Variants in ABI3BP observed in about 807,000 individuals in gnomAD.
The protein encoded by ABI3BP is ABI family member 3 binding protein.
ABI3BP carries 216 observed loss-of-function variants against 268.6 expected under a neutral mutation model. That is an observed-to-expected ratio of 0.80 (90% CI 0.72 to 0.90). ABI3BP has a LOEUF of 0.90. Among genes scored for constraint, ABI3BP ranks in the 40% least tolerant of loss-of-function variants. The probability of loss-of-function intolerance (pLI) is 0.00; values close to 1 mark genes in which losing one functional copy is unlikely to be tolerated. For synonymous variants in ABI3BP, 730 were observed against 730.0 expected, an observed-to-expected ratio of 1.00 and a Z score of 0.00; for missense variants, 2,090 against 2,182.4, an observed-to-expected ratio of 0.96 and a Z score of 0.84.
intron 2 of ABI3BP, among the ~76,000 whole-genome samples, chr3:100,913,288 A>C (rs2057428793): frequency 6.6e-6 from 1 of 152,186 alleles, no homozygotes; most frequent in South Asian, 2.1e-4. Context: ...TTGCTGAAAA[A>C]AGACAGGCTC....
At chr3:100,752,742 T>C in intron 66 of ABI3BP, 45 bp downstream of exon 66, 1 of 1,592,812 alleles carries the variant, frequency 6.3e-7, no homozygotes, top group Non-Finnish European at 8.5e-7. Context: ...TGCAAAACAT[T>C]CCCATAAGTT....
At chr3:100,765,778 C>A in intron 63 of ABI3BP, 63 bp downstream of exon 63, 3 of 1,216,496 alleles carry the variant, frequency 2.5e-6, no homozygotes, top group Non-Finnish European at 3.6e-6. Context: ...TCATTTCTTT[C>A]CCTTGTTGTG....
intron 51 of ABI3BP, among the ~76,000 whole-genome samples, chr3:100,798,260 T>C (rs1343816318): frequency 2.6e-5 from 4 of 152,116 alleles, no homozygotes; most frequent in Non-Finnish European, 5.9e-5. Flanking sequence ...AACCGTGAAG[T>C]GATGATTTAA....
intron 1 of ABI3BP, among the ~76,000 whole-genome samples, chr3:100,982,557 C>T (rs1223110833): frequency 1.3e-5 from 2 of 151,786 alleles, no homozygotes; most frequent in African/African-American, 4.8e-5. Flanking sequence ...TAATGACTTA[C>T]TCGGGCTCAC....
At chr3:100,869,989 C>T (rs540844590) in intron 9 of ABI3BP, among the ~76,000 whole-genome samples, 53 of 152,266 alleles carry the variant, frequency 3.5e-4, no homozygotes, top group African/African-American at 1.2e-3. Flanking sequence ...TCATTATTCA[C>T]ACCATGTGTT....
intron 49 of ABI3BP, among the ~76,000 whole-genome samples, chr3:100,808,837 T>C (rs1009364168): frequency 1.8e-4 from 27 of 151,976 alleles, no homozygotes; most frequent in African/African-American, 6.3e-4. Context: ...AAAACCAATT[T>C]TTTCTTCACC....
chr3:100,943,810 A>T (rs1362698108), intron 1 of ABI3BP, among the ~76,000 whole-genome samples: 1 of 152,120 alleles, frequency 6.6e-6, no homozygotes, highest in Non-Finnish European at 1.5e-5. Context: ...TTGTCTTCAT[A>T]ATCAGCCTCT....
At chr3:100,770,632 T>C (rs6765500) in intron 62 of ABI3BP, 111 bp downstream of exon 62, 61 of 1,037,064 alleles carry the variant, frequency 5.9e-5, no homozygotes, top group Non-Finnish European at 7.7e-5. Flanking sequence ...GCTAGTTTTG[T>C]CTCCTCCCCA....
At chr3:100,794,137 G>A (rs1223207057) in intron 54 of ABI3BP, among the ~76,000 whole-genome samples, 1 of 151,970 alleles carries the variant, frequency 6.6e-6, no homozygotes. Flanking sequence ...CCTAATCTGA[G>A]AGGCCTTTCC....
rs1465156517 is a variant in ABI3BP at position 100,902,694 on chromosome 3, CAAT to C, written c.260-11_260-9del. 2.5e-6 allele frequency: 4 copies of C among 1,612,930 alleles called. No individual in the cohort carries two copies. The African/African-American group carries it at 5.3e-5, about 22-fold the overall frequency. On this transcript the variant is annotated splice_polypyrimidine_tract_variant and intron_variant, in intron 2 of 67. Coordinates refer to ENST00000471714, the MANE Select transcript of ABI3BP (RefSeq NM_001375547.2). ...GATATTTCGGCTCTGCATCTGGAAG[CAAT>C]AACATTATTTATCAGAAAAACCCTT...
At chr3:100,900,549 A>C (rs1189119803) in intron 3 of ABI3BP, among the ~76,000 whole-genome samples, 1 of 152,248 alleles carries the variant, frequency 6.6e-6, no homozygotes, top group Non-Finnish European at 1.5e-5. Flanking sequence ...GATGAAAGAC[A>C]TATTTTTCAT....
chr3:100,991,527 ACCC>A (rs2092914782), intron 1 of ABI3BP, among the ~76,000 whole-genome samples: 1 of 152,100 alleles, frequency 6.6e-6, no homozygotes, highest in African/African-American at 2.4e-5. Flanking sequence ...CTGCCCTTCC[ACCC>A]TCACCCCAAA....
intron 1 of ABI3BP, among the ~76,000 whole-genome samples, 199 bp downstream of exon 1, chr3:100,993,107 T>A (rs2093206812): frequency 6.6e-6 from 1 of 152,150 alleles, no homozygotes; most frequent in Non-Finnish European, 1.5e-5. Flanking sequence ...ATTTTTGCAA[T>A]AAAGAGCTGT....
At chr3:100,960,415 C>G (rs2078609114) in intron 1 of ABI3BP, among the ~76,000 whole-genome samples, 2 of 152,080 alleles carry the variant, frequency 1.3e-5, no homozygotes, top group Non-Finnish European at 2.9e-5. Flanking sequence ...CACAGAACAT[C>G]AAACAAAATA....
chr3:100,896,788 G>A (rs1026612157), intron 4 of ABI3BP, among the ~76,000 whole-genome samples: 3 of 152,174 alleles, frequency 2.0e-5, no homozygotes, highest in African/African-American at 7.2e-5. Flanking sequence ...AACAAAATAA[G>A]TCATGGGATT....
chr3:100,804,743 A>T, intron 51 of ABI3BP, 49 bp downstream of exon 51: 1 of 1,506,430 alleles, frequency 6.6e-7, no homozygotes, highest in Non-Finnish European at 9.2e-7. Context: ...ACTGAAGCAG[A>T]GTGGGACAGT....
At chr3:100,782,684 T>G (rs2150362075) in intron 57 of ABI3BP, among the ~76,000 whole-genome samples, 1 of 151,888 alleles carries the variant, frequency 6.6e-6, no homozygotes, top group South Asian at 2.1e-4. Flanking sequence ...ATCTCTTGCC[T>G]TGAGTCAGAG....
intron 6 of ABI3BP, among the ~76,000 whole-genome samples, chr3:100,882,675 T>C (rs1434078539): frequency 4.6e-5 from 7 of 152,014 alleles, no homozygotes; most frequent in African/African-American, 1.7e-4. Flanking sequence ...CTTCCTATCA[T>C]GGCTGCTTAT....
intron 57 of ABI3BP, among the ~76,000 whole-genome samples, chr3:100,782,459 A>G (rs1008543503): frequency 6.6e-6 from 1 of 152,100 alleles, no homozygotes; most frequent in Non-Finnish European, 1.5e-5. Flanking sequence ...TCAAATAGAG[A>G]AGCAGCTGCA....
Sources: allele counts gnomAD v4.1 joint callset (sites outside exome capture counted in the v4.1 genomes callset), GRCh38; gene constraint gnomAD v4.1.1; transcripts MANE v1.5; gene names NCBI Gene and HGNC (gene_info 2026-07-23, HGNC 2026-07-21).